Variants in FMR1NB observed in about 807,000 individuals in gnomAD.
FMR1NB encodes FMR1 neighbor protein.
Under a neutral mutation model 16.8 loss-of-function variants are expected in FMR1NB, and 10 were observed. The observed-to-expected ratio is 0.60, with a 90% CI of 0.37 to 1.01. FMR1NB has a LOEUF of 1.01. Ranked by LOEUF, FMR1NB falls within the 50% of genes least tolerant of loss-of-function variation. FMR1NB has a pLI of 0.01. For missense variants in FMR1NB, 205 were observed against 204.8 expected, an observed-to-expected ratio of 1.00 and a Z score of 0.00; for synonymous variants, 83 against 79.1, an observed-to-expected ratio of 1.05 and a Z score of -0.26.
chrX:148,004,796 A>G (rs1293119514), intron 2 of FMR1NB, among the ~76,000 whole-genome samples: 1 of 112,893 alleles, frequency 8.9e-6, no homozygotes, highest in African/African-American at 3.2e-5. Context: ...CCTTTGGACA[A>G]AATTACATAC....
chrX:148,006,869 C>A lies in FMR1NB; in HGVS notation c.538+27C>A, dbSNP rs148115621. 597 of 1,175,491 alleles carry A rather than the reference C, an allele frequency of 5.1e-4. 5 individuals are homozygous for A. In the East Asian group the frequency reaches 0.014, roughly 28 times the overall value. On this transcript the variant is annotated intron_variant, in intron 3 of 5. Coordinates refer to ENST00000370467, the MANE Select transcript of FMR1NB (RefSeq NM_152578.3). ...TAAGTTATTCCTCTTTCATTTATTT[C>A]TATTTTTTAATATTAAATAAACAGA... is the stretch of plus-strand genomic sequence containing the variant.
chrX:147,983,175 G>C (rs933367856), intron 1 of FMR1NB, among the ~76,000 whole-genome samples: 2 of 111,610 alleles, frequency 1.8e-5, no homozygotes, highest in Non-Finnish European at 3.8e-5. Context: ...CCGAATTTGG[G>C]TTGTTTCCAC....
intron 4 of FMR1NB, among the ~76,000 whole-genome samples, chrX:148,022,782 C>T (rs1471452270): frequency 9.0e-6 from 1 of 111,358 alleles, no homozygotes; most frequent in Non-Finnish European, 1.9e-5. Flanking sequence ...ATAATAAGGC[C>T]GTGTTGCTTT....
intron 3 of FMR1NB, 137 bp from the exon 4 acceptor site, chrX:148,008,481 A>G (rs1557189340): frequency 2.0e-6 from 1 of 498,716 alleles, no homozygotes; most frequent in African/African-American, 2.4e-5. Context: ...TAGCAAGGAT[A>G]TTTACCTGTC....
At chrX:147,981,797 C>T (rs1288299328) in intron 1 of FMR1NB, 118 bp downstream of exon 1, 6 of 827,873 alleles carry the variant, frequency 7.2e-6, no homozygotes, top group African/African-American at 6.3e-5. Flanking sequence ...CCCTTCCTGT[C>T]CTCTCTCCTC....
chrX:148,022,545 C>T lies in FMR1NB; in HGVS notation c.633-2320C>T, dbSNP rs529400099. ...GAGTGTGCAAGAAATTGACCTTTTC[C>T]GTGTGCGTATGCTGGTCATGATATA... On this transcript the variant is annotated intron_variant, in intron 4 of 5. Coordinates refer to ENST00000370467, the MANE Select transcript of FMR1NB (RefSeq NM_152578.3). 1.7e-3 allele frequency among the ~76,000 whole-genome samples: 195 copies of T among 111,707 alleles called. 4 individuals carry two copies. In the South Asian group the frequency reaches 0.072, roughly 41 times the overall value.
chrX:148,021,754 C>T (rs1003851828), intron 4 of FMR1NB, among the ~76,000 whole-genome samples: 1 of 110,956 alleles, frequency 9.0e-6, no homozygotes, highest in African/African-American at 3.3e-5. Flanking sequence ...AGTTCAAAAT[C>T]TTACTCTTTC....
chrX:147,992,881 T>C (rs1429005459), intron 1 of FMR1NB, among the ~76,000 whole-genome samples: 2 of 91,739 alleles, frequency 2.2e-5, no homozygotes, highest in Non-Finnish European at 4.2e-5. Context: ...GAGGCGCTCC[T>C]CACTTCCTAG....
chrX:148,007,529 GTTC>G (rs1424108516), intron 3 of FMR1NB, among the ~76,000 whole-genome samples: 1 of 111,925 alleles, frequency 8.9e-6, no homozygotes, highest in Non-Finnish European at 1.9e-5. Flanking sequence ...GGTTCCAGCA[GTTC>G]TTCTGCCTCG....
intron 4 of FMR1NB, among the ~76,000 whole-genome samples, chrX:148,021,477 G>A (rs1327321448): frequency 9.3e-6 from 1 of 107,160 alleles, no homozygotes; most frequent in African/African-American, 3.4e-5. Context: ...AATTGTTAGA[G>A]CATTCTGTTC....
chrX:148,010,879 C>T (rs977921308), intron 4 of FMR1NB, among the ~76,000 whole-genome samples: 1 of 111,235 alleles, frequency 9.0e-6, no homozygotes, highest in Non-Finnish European at 1.9e-5. Context: ...TCATAGCTCT[C>T]CTCTTGGCCT....
intron 1 of FMR1NB, among the ~76,000 whole-genome samples, chrX:147,984,258 A>G (rs781935991): frequency 1.8e-5 from 2 of 112,074 alleles, no homozygotes; most frequent in African/African-American, 6.5e-5. Context: ...CCCCAAGCCC[A>G]TTGGAATGTT....
At chrX:147,995,658 T>A (rs782366903) in intron 1 of FMR1NB, among the ~76,000 whole-genome samples, 1 of 112,755 alleles carries the variant, frequency 8.9e-6, no homozygotes, top group African/African-American at 3.2e-5. Flanking sequence ...GATGGACTAG[T>A]AGGTAATATT....
intron 4 of FMR1NB, among the ~76,000 whole-genome samples, chrX:148,018,384 G>A (rs1557190317): frequency 8.9e-6 from 1 of 111,781 alleles, no homozygotes; most frequent in Non-Finnish European, 1.9e-5. Flanking sequence ...TAAGCCAAAA[G>A]AACAAAGCTG....
intron 1 of FMR1NB, among the ~76,000 whole-genome samples, chrX:147,994,382 TTTGAAA>T (rs1557187990): frequency 1.8e-5 from 2 of 112,721 alleles, no homozygotes; most frequent in African/African-American, 6.4e-5. Context: ...TTATCAATTA[TTTGAAA>T]TAAGTTAGAA....
chrX:147,992,779 G>T (rs1272369195), intron 1 of FMR1NB, among the ~76,000 whole-genome samples: 1 of 75,218 alleles, frequency 1.3e-5, no homozygotes, highest in Admixed American at 1.3e-4. Flanking sequence ...ATCCCAGATG[G>T]GGTGGCGGGG....
At chrX:148,018,240 C>T (rs1488176195) in intron 4 of FMR1NB, among the ~76,000 whole-genome samples, 2 of 111,536 alleles carry the variant, frequency 1.8e-5, no homozygotes, top group Non-Finnish European at 1.9e-5. Context: ...TTCTAACTGG[C>T]GTGAGAGGGT....
intron 4 of FMR1NB, among the ~76,000 whole-genome samples, chrX:148,014,113 G>A (rs1982871138): frequency 1.8e-5 from 2 of 111,162 alleles, no homozygotes; most frequent in Non-Finnish European, 3.8e-5. Context: ...TCTAAAGAGC[G>A]AAGGCAGGTT....
chrX:148,022,783 G>A (rs904268000), intron 4 of FMR1NB, among the ~76,000 whole-genome samples: 7 of 111,572 alleles, frequency 6.3e-5, no homozygotes, highest in African/African-American at 9.8e-5. Context: ...TAATAAGGCC[G>A]TGTTGCTTTT....
Sources: gnomAD v4.1 joint callset for allele counts (sites outside exome capture counted in the v4.1 genomes callset) on GRCh38, gnomAD v4.1.1 for gene constraint, MANE v1.5 for transcripts, NCBI Gene and HGNC (gene_info 2026-07-23, HGNC 2026-07-21) for gene names.